IFT27: variants seen among roughly 807,000 people sequenced by gnomAD.
IFT27 encodes the protein intraflagellar transport protein 27 homolog.
A neutral mutation model predicts 23.9 loss-of-function variants in IFT27; 19 were observed. The ratio of observed to expected loss-of-function variants is 0.79; its 90% CI spans 0.55 to 1.16. IFT27 has a LOEUF of 1.16. Among genes scored for constraint, IFT27 ranks in the 50% most tolerant of loss-of-function variants. The probability of loss-of-function intolerance (pLI) is 0.00; values close to 1 mark genes in which losing one functional copy is unlikely to be tolerated. For missense variants in IFT27, 206 were observed against 228.7 expected (o/e 0.90, Z 0.64); for synonymous variants, 91 against 89.1 (o/e 1.02, Z -0.12).
At chr22:36,760,238 GAA>G (rs1345905298) in intron 6 of IFT27, 1 of 152,218 alleles carries the variant, frequency 6.6e-6, no homozygotes, top group Non-Finnish European at 1.5e-5. Flanking sequence ...GAATGGAATG[GAA>G]AAAGACTGAG....
At chr22:36,770,762 G>C (rs1938369585) in intron 1 of IFT27, among the ~76,000 whole-genome samples, 1 of 151,956 alleles carries the variant, frequency 6.6e-6, no homozygotes, top group Non-Finnish European at 1.5e-5. Flanking sequence ...ACCTCTGCTC[G>C]GCCCTCCCTG....
In IFT27 at chr22:36,758,244, T is replaced by C; in HGVS notation, c.*67A>G. The C allele has an allele frequency of 8.2e-7, 1 of 1,217,832 alleles. No individual in the cohort carries two copies. Among genetic ancestry groups the C allele is most frequent in the South Asian group, 1.2e-5 (1 of 82,352 alleles). The allele number at this position is 1,217,832 out of a possible 1,614,324, so 75.4% of individuals were successfully genotyped here. On this transcript the variant is annotated 3_prime_UTR_variant, in exon 7 of 7. Transcript: ENST00000433985. Reference sequence around the variant, plus strand: ...CTCCTAATTTTATTTAAAGCCATCATTATATATTAAAAGAGCAGAGGTAAT... The same window carrying C: ...CTCCTAATTTTATTTAAAGCCATCACTATATATTAAAAGAGCAGAGGTAAT...
At chr22:36,766,284 T>C in intron 3 of IFT27, 87 bp from the exon 4 acceptor site, 1 of 1,114,704 alleles carries the variant, frequency 9.0e-7, no homozygotes, top group Non-Finnish European at 1.4e-6. Flanking sequence ...ACACTGGACT[T>C]GTCTTAGGGG....
intron 6 of IFT27, chr22:36,759,274 A>G (rs1463487108): frequency 6.6e-6 from 1 of 152,262 alleles, no homozygotes; most frequent in East Asian, 1.9e-4. Context: ...CTCCCTCCCG[A>G]AGACTGTGAG....
At chr22:36,762,698 G>C (rs1938123009) in intron 6 of IFT27, 2 of 411,424 alleles carry the variant, frequency 4.9e-6, no homozygotes, top group Non-Finnish European at 8.9e-6. Flanking sequence ...TTTTCCCAGG[G>C]TTGGCTGGCT....
chr22:36,770,366 G>A (rs763967634), intron 1 of IFT27, among the ~76,000 whole-genome samples: 33 of 151,926 alleles, frequency 2.2e-4, no homozygotes, highest in Middle Eastern at 3.2e-3. Context: ...CTATCTGCCT[G>A]CCCCTCTGCC....
chr22:36,774,066 G>T (rs1232490777), intron 1 of IFT27, among the ~76,000 whole-genome samples: 1 of 152,114 alleles, frequency 6.6e-6, no homozygotes, highest in Non-Finnish European at 1.5e-5. Context: ...CTCAAAAAGT[G>T]CTTCGTCCAA....
intron 1 of IFT27, among the ~76,000 whole-genome samples, chr22:36,773,634 A>G (rs909902514): frequency 1.4e-5 from 2 of 140,596 alleles, no homozygotes; most frequent in African/African-American, 5.3e-5. Context: ...AGCTTAGGCA[A>G]TGAGAGTGAA....
intron 1 of IFT27, chr22:36,768,382 T>A (rs1412809820): frequency 6.8e-6 from 2 of 294,562 alleles, no homozygotes; most frequent in Non-Finnish European, 1.3e-5. Context: ...TCTGAGGCTG[T>A]GTTCATCATT....
chr22:36,775,074 T>C (rs1030412608), intron 1 of IFT27, among the ~76,000 whole-genome samples: 1 of 152,230 alleles, frequency 6.6e-6, no homozygotes, highest in Non-Finnish European at 1.5e-5. Context: ...CAGGCATTGT[T>C]CTGGGTGCTT....
intron 1 of IFT27, chr22:36,772,605 G>A (rs981795665): frequency 6.1e-6 from 6 of 985,292 alleles, no homozygotes; most frequent in Non-Finnish European, 7.2e-6. Flanking sequence ...CTTTGTGTTC[G>A]CTGTGTTAGA....
chr22:36,772,765 A>G (rs1938414364), intron 1 of IFT27: 8 of 985,202 alleles, frequency 8.1e-6, no homozygotes, highest in East Asian at 1.1e-4. Flanking sequence ...AGGTCCTTCA[A>G]TGACCAGTTA....
chr22:36,768,011 G>A (rs774359453), intron 1 of IFT27, 149 bp from the exon 2 acceptor site: 24 of 752,130 alleles, frequency 3.2e-5, no homozygotes, highest in Non-Finnish European at 4.9e-5. Flanking sequence ...CTGAGGCCGC[G>A]GGCAGGGCAC....
chr22:36,775,744 A>G lies in IFT27; in HGVS notation c.-37T>C. ...CTCCCGCGAGCCGTACCCAGAGGAC[A>G]AGAGCGGCTGCTAGAGACGCGAGTG... On this transcript the variant is annotated 5_prime_UTR_variant, in exon 1 of 7. Coordinates refer to ENST00000433985, the MANE Select transcript of IFT27 (RefSeq NM_001177701.3). 2 of 1,613,358 alleles carry G rather than the reference A, an allele frequency of 1.2e-6. No individual in the cohort carries two copies. Among genetic ancestry groups the G allele is most frequent in the Non-Finnish European group, 1.7e-6 (2 of 1,179,346 alleles).
At chr22:36,765,376 A>G (rs1274715263) in intron 4 of IFT27, among the ~76,000 whole-genome samples, 1 of 152,124 alleles carries the variant, frequency 6.6e-6, no homozygotes, top group Non-Finnish European at 1.5e-5. Flanking sequence ...TCTGCTGGGC[A>G]TGGCAGCCCC....
At chr22:36,763,066 G>A in intron 5 of IFT27, 53 bp from the exon 6 acceptor site, 1 of 1,334,506 alleles carries the variant, frequency 7.5e-7, no homozygotes, top group Non-Finnish European at 1.1e-6. Context: ...ACTCTGGAAG[G>A]ACAGCGGGCG....
chr22:36,768,449 A>G (rs1318032696), intron 1 of IFT27: 5 of 210,646 alleles, frequency 2.4e-5, no homozygotes, highest in African/African-American at 9.3e-5. Flanking sequence ...CCTGTCTGTG[A>G]CCCAAGGATT....
At position 36,762,954 on chromosome 22, in the gene IFT27, C is replaced by T; in HGVS notation, c.412G>A (p.Ala138Thr). The change falls in exon 6 of 7, where the codon GCC becomes ACC. Residue 138 changes from alanine to threonine, a missense_variant. By Grantham distance (58) the Ala-to-Thr change is moderately conservative. Coordinates refer to ENST00000433985, the MANE Select transcript of IFT27 (RefSeq NM_001177701.3). ...CCCTGGCCCAGCGCCCATGCCCGGG[C>T]CTCAGCTGAGTCCACTGCTCGTCTG... ...AGRRAVDSAEARAWALGQGLE... is the reference protein window; with the variant it reads ...AGRRAVDSAETRAWALGQGLE... 1 of 1,603,128 alleles carries T rather than the reference C, an allele frequency of 6.2e-7. No homozygotes were observed. The highest frequency in any genetic ancestry group is 8.5e-7 in the Non-Finnish European group (1 of 1,173,364).
At chr22:36,772,829 G>C (rs1938415656) in intron 1 of IFT27, 5 of 870,618 alleles carry the variant, frequency 5.7e-6, no homozygotes, top group Non-Finnish European at 4.1e-6. Flanking sequence ...GTGGGTCATG[G>C]ATGGAAAAAT....
Sources: gnomAD v4.1 joint callset for allele counts (sites outside exome capture counted in the v4.1 genomes callset) on GRCh38, gnomAD v4.1.1 for gene constraint, MANE v1.5 for transcripts, NCBI Gene and HGNC (gene_info 2026-07-23, HGNC 2026-07-21) for gene names.